Variants in ZFHX3 observed in about 807,000 individuals in gnomAD.
ZFHX3 encodes the protein zinc finger homeobox protein 3.
In ZFHX3, 42 loss-of-function variants were observed where a neutral mutation model predicts 279.1. That is an observed-to-expected ratio of 0.15 (90% CI 0.12 to 0.19). ZFHX3 has a LOEUF of 0.19. Among genes scored for constraint, ZFHX3 ranks in the 10% least tolerant of loss-of-function variants. ZFHX3 has a pLI of 1.00. For synonymous variants in ZFHX3, 2,293 were observed against 1,957.8 expected (o/e 1.17, Z -4.52); for missense variants, 4,981 against 4,754.0 (o/e 1.05, Z -1.40).
chr16:73,248,668 C>T lies in ZFHX3; in HGVS notation c.-1104+8379G>A, dbSNP rs533181362. ...GTATGTGTGTGTGTGTGTGTGTGCACGTGCACGTGTGTGTTGTGGCTCAAT... is the reference window on the plus strand; with the variant it reads ...GTATGTGTGTGTGTGTGTGTGTGCATGTGCACGTGTGTGTTGTGGCTCAAT... On this transcript the variant is annotated intron_variant, in intron 5 of 17. Transcript: ENST00000641206. Among the ~76,000 whole-genome samples, 39 of 125,090 alleles carry T rather than the reference C, an allele frequency of 3.1e-4. 1 individual carries two copies. The highest frequency in any genetic ancestry group is 2.0e-3 in the Admixed American group (24 of 12,288). 82.1% of individuals were successfully genotyped at this position (125,090 alleles called of 152,430 possible).
chr16:73,579,101 A>G (rs541510711), intron 2 of ZFHX3, among the ~76,000 whole-genome samples: 3 of 152,214 alleles, frequency 2.0e-5, no homozygotes, highest in African/African-American at 7.2e-5. Context: ...CATCTGCGTG[A>G]TAAAACCTTA....
intron 9 of ZFHX3, among the ~76,000 whole-genome samples, chr16:72,792,446 C>G (rs1191089376): frequency 6.6e-6 from 1 of 152,024 alleles, no homozygotes; most frequent in Admixed American, 6.6e-5. Flanking sequence ...CACATAAGAC[C>G]TTCTGGTAGT....
chr16:73,510,599 G>T (rs1236472224), intron 2 of ZFHX3, among the ~76,000 whole-genome samples: 1 of 152,196 alleles, frequency 6.6e-6, no homozygotes, highest in African/African-American at 2.4e-5. Flanking sequence ...ACCATGTACT[G>T]ATATGTAGGT....
At chr16:73,543,360 T>C (rs1490290281) in intron 2 of ZFHX3, among the ~76,000 whole-genome samples, 1 of 152,222 alleles carries the variant, frequency 6.6e-6, no homozygotes, top group Non-Finnish European at 1.5e-5. Flanking sequence ...CCTACAATTA[T>C]ATGGAACGCC....
intron 5 of ZFHX3, among the ~76,000 whole-genome samples, chr16:72,817,463 C>A (rs1180900913): frequency 6.6e-6 from 1 of 152,134 alleles, no homozygotes; most frequent in Non-Finnish European, 1.5e-5. Context: ...AAACATGGAA[C>A]CTTAAGGTCC....
rs748873199 is a variant in ZFHX3, at chr16:72,793,384, T to G, written c.9298A>C (p.Met3100Leu). ...GCCTGAAGAGGGGTGTTGTCAAACA[T>G]CCCTTGCTGCTGAGCTGCCAGTCCA... is the stretch of plus-strand genomic sequence containing the variant. ...VLGLAAQQQG[M>L]FDNTPLQALN... The change falls in exon 9 of 10, where the codon ATG (methionine) becomes CTG (leucine). Residue 3100 changes from methionine to leucine, a missense_variant. Met to Leu is a conservative substitution (Grantham distance 15). Transcript: ENST00000268489. This position sits in a 1 kb window ranked among gnomAD's most constrained non-coding sequence, Gnocchi z 4.3. 1 of 1,614,150 alleles carries G rather than the reference T, an allele frequency of 6.2e-7. No individual in the cohort carries two copies. The highest frequency in any genetic ancestry group is 1.7e-5 in the Admixed American group (1 of 60,024).
intron 8 of ZFHX3, among the ~76,000 whole-genome samples, chr16:73,076,768 G>A (rs1233026995): frequency 6.6e-6 from 1 of 152,088 alleles, no homozygotes; most frequent in Non-Finnish European, 1.5e-5. Context: ...CCTGAGAACC[G>A]ATCCTGTCAG....
chr16:73,624,834 G>C (rs2052400728), intron 2 of ZFHX3, among the ~76,000 whole-genome samples: 2 of 152,176 alleles, frequency 1.3e-5, no homozygotes, highest in South Asian at 2.1e-4. Context: ...AGTGAGGCCA[G>C]ATGCTGCTTC....
At chr16:72,851,850 C>T (rs1233538192) in intron 4 of ZFHX3, among the ~76,000 whole-genome samples, 1 of 152,154 alleles carries the variant, frequency 6.6e-6, no homozygotes, top group East Asian at 1.9e-4. Context: ...CGCACCTGGC[C>T]TCAATTTCAT....
chr16:73,515,928 G>A (rs2019513670), intron 2 of ZFHX3, among the ~76,000 whole-genome samples: 1 of 152,206 alleles, frequency 6.6e-6, no homozygotes, highest in Admixed American at 6.5e-5. Flanking sequence ...TATTCTCTGT[G>A]CAAATGCAAA....
intron 1 of ZFHX3, among the ~76,000 whole-genome samples, chr16:72,982,754 G>A (rs563425010): frequency 2.0e-4 from 30 of 152,298 alleles, no homozygotes; most frequent in Non-Finnish European, 4.3e-4. Flanking sequence ...CCATAAAAAA[G>A]TTTAAGATCT....
At chr16:73,817,614 C>A (rs899621858) in intron 1 of ZFHX3, among the ~76,000 whole-genome samples, 2 of 152,224 alleles carry the variant, frequency 1.3e-5, no homozygotes, top group African/African-American at 4.8e-5. Flanking sequence ...TTAGGAACAT[C>A]TACTTGGCTC....
chr16:73,709,506 T>C lies in ZFHX3; in HGVS notation c.-1607-29266A>G, dbSNP rs554669229. 9.2e-5 allele frequency among the ~76,000 whole-genome samples: 14 copies of C among 152,320 alleles called. No homozygotes were observed. In the South Asian group the frequency reaches 2.9e-3, roughly 32 times the overall value. Reference sequence around the variant, plus strand: ...ACGTGGATGAACCTGGAGGGTATTATGCTGAGTGAAATAAGCCAGGCACAG... The same window carrying C: ...ACGTGGATGAACCTGGAGGGTATTACGCTGAGTGAAATAAGCCAGGCACAG... On this transcript the variant is annotated intron_variant, in intron 1 of 17. Transcript: ENST00000641206.
At chr16:73,737,620 G>A (rs139780332) in intron 1 of ZFHX3, among the ~76,000 whole-genome samples, 3 of 152,108 alleles carry the variant, frequency 2.0e-5, no homozygotes, top group African/African-American at 7.2e-5. Context: ...TCAAAGCAAG[G>A]GTCTGTGAAG....
chr16:73,390,997 C>A (rs2041395926), intron 3 of ZFHX3, among the ~76,000 whole-genome samples: 1 of 151,004 alleles, frequency 6.6e-6, no homozygotes, highest in South Asian at 2.1e-4. Context: ...TTTTTTTAAA[C>A]CAGCTAATCC....
In ZFHX3 at chr16:72,950,874, G is replaced by C. The variant is rs1374114605; in HGVS notation, c.2811C>G (p.Thr937=). The change falls in exon 3 of 10, where the codon ACC becomes ACG. Residue 937 remains threonine, a synonymous_variant. Transcript: ENST00000268489. ...GGAAGAGCTTCAGCGACGGGTCGTTGGTCTGGATGAAGCTCTCGCCCAGGT... is the reference window on the plus strand; with the variant it reads ...GGAAGAGCTTCAGCGACGGGTCGTTCGTCTGGATGAAGCTCTCGCCCAGGT... The part of the protein sequence containing the change: ...LMNLGESFIQ[T]NDPSLKLFQC... 3 of 1,613,920 alleles carry C rather than the reference G, an allele frequency of 1.9e-6. No individual in the cohort carries two copies. Among genetic ancestry groups the C allele is most frequent in the Non-Finnish European group, 2.5e-6 (3 of 1,180,044 alleles).
chr16:73,115,417 C>T (rs894156952), intron 7 of ZFHX3, among the ~76,000 whole-genome samples: 7 of 145,748 alleles, frequency 4.8e-5, no homozygotes, highest in Non-Finnish European at 9.0e-5. Flanking sequence ...GGTGTGGTGG[C>T]GTGTGCCTAT....
At chr16:73,748,756 A>T (rs985952716) in intron 1 of ZFHX3, among the ~76,000 whole-genome samples, 1 of 152,198 alleles carries the variant, frequency 6.6e-6, no homozygotes, top group African/African-American at 2.4e-5. Context: ...TATAAATGGC[A>T]TGCATAATCT....
chr16:72,903,356 G>A (rs1333541981), intron 3 of ZFHX3, among the ~76,000 whole-genome samples: 1 of 152,182 alleles, frequency 6.6e-6, no homozygotes, highest in Non-Finnish European at 1.5e-5. Flanking sequence ...GAAACTCTAG[G>A]GATGGGGCCA....
Sources: allele counts gnomAD v4.1 joint callset (sites outside exome capture counted in the v4.1 genomes callset), GRCh38; gene constraint gnomAD v4.1.1; non-coding constraint Gnocchi (gnomAD v3.1); transcripts MANE v1.5; gene names NCBI Gene and HGNC (gene_info 2026-07-23, HGNC 2026-07-21).